OCA2: variants seen among roughly 807,000 people sequenced by gnomAD.
The protein encoded by OCA2 is OCA2 melanosomal transmembrane protein, also known as P protein.
A neutral mutation model predicts 100.2 loss-of-function variants in OCA2; 77 were observed. That is an observed-to-expected ratio of 0.77 (90% confidence interval 0.64 to 0.93). The LOEUF (loss-of-function observed/expected upper bound fraction) is 0.93, where lower values mean the gene tolerates loss of function less well. OCA2 is among the 40% of genes least tolerant of loss of function. The pLI is 0.00. For synonymous variants in OCA2, 432 were observed against 439.2 expected (o/e 0.98, Z 0.21); for missense variants, 1,062 against 1,089.1 (o/e 0.98, Z 0.35).
chr15:28,076,221 T>C (rs1247150233), intron 2 of OCA2, among the ~76,000 whole-genome samples: 1 of 152,198 alleles, frequency 6.6e-6, no homozygotes, highest in Non-Finnish European at 1.5e-5. Flanking sequence ...AGAGGCACGA[T>C]GTTGTGTTCT....
intron 9 of OCA2, among the ~76,000 whole-genome samples, chr15:27,995,620 T>C (rs2041699385): frequency 1.3e-5 from 2 of 151,726 alleles, no homozygotes; most frequent in African/African-American, 4.8e-5. Flanking sequence ...GAACTCCTGG[T>C]CTCAAGTGAT....
intron 12 of OCA2, 107 bp downstream of exon 12, chr15:27,986,480 A>G (rs1171411339): frequency 1.2e-6 from 1 of 842,822 alleles, no homozygotes; most frequent in Admixed American, 2.0e-5. Flanking sequence ...GAAGGATGGA[A>G]TTTTTCAATG....
At chr15:27,994,250 T>A (rs1239696349) in intron 9 of OCA2, among the ~76,000 whole-genome samples, 1 of 152,002 alleles carries the variant, frequency 6.6e-6, no homozygotes, top group Non-Finnish European at 1.5e-5. Flanking sequence ...ATGTGAGGGA[T>A]CTAGGTTGCA....
At chr15:27,779,933 G>T (rs1274405024) in intron 23 of OCA2, among the ~76,000 whole-genome samples, 2 of 152,176 alleles carry the variant, frequency 1.3e-5, no homozygotes, top group Admixed American at 6.5e-5. Flanking sequence ...CTGCTGTAAA[G>T]AATTATACCT....
intron 9 of OCA2, among the ~76,000 whole-genome samples, chr15:27,991,596 A>G (rs1461878088): frequency 6.6e-6 from 1 of 152,170 alleles, no homozygotes; most frequent in Non-Finnish European, 1.5e-5. Context: ...AACGGGTCCC[A>G]GGGATCCTTA....
At chr15:28,065,894 T>C (rs554015453) in intron 2 of OCA2, among the ~76,000 whole-genome samples, 143 of 152,270 alleles carry the variant, frequency 9.4e-4, no homozygotes, top group Non-Finnish European at 1.8e-3. Flanking sequence ...GTGAAACAGT[T>C]TTCTTAATTT....
intron 23 of OCA2, among the ~76,000 whole-genome samples, chr15:27,803,331 G>GTA (rs1215864462): frequency 6.6e-6 from 1 of 152,162 alleles, no homozygotes; most frequent in Non-Finnish European, 1.5e-5. Flanking sequence ...AAGCAACCCA[G>GTA]TATCCGTTGA....
At chr15:27,823,407 A>G (rs2034580367) in intron 23 of OCA2, among the ~76,000 whole-genome samples, 1 of 133,944 alleles carries the variant, frequency 7.5e-6, no homozygotes, top group African/African-American at 2.7e-5. Flanking sequence ...GATTATAGTG[A>G]TTATGTTATT....
intron 19 of OCA2, among the ~76,000 whole-genome samples, chr15:27,884,021 GC>G (rs534420638): frequency 6.6e-6 from 1 of 152,194 alleles, no homozygotes; most frequent in Non-Finnish European, 1.5e-5. Flanking sequence ...GAATGTCAGA[GC>G]AAGGTTAGAA....
chr15:27,932,548 C>T (rs1437719196), intron 18 of OCA2, among the ~76,000 whole-genome samples: 1 of 152,186 alleles, frequency 6.6e-6, no homozygotes, highest in Non-Finnish European at 1.5e-5. Flanking sequence ...AAGGCCCATG[C>T]TCAGAAAAGA....
chr15:27,768,303 T>G (rs1012678821), intron 23 of OCA2, among the ~76,000 whole-genome samples: 1 of 152,194 alleles, frequency 6.6e-6, no homozygotes, highest in Non-Finnish European at 1.5e-5. Flanking sequence ...GCAGTGTAAC[T>G]TCTGTGAGAT....
chr15:27,856,998 G>T (rs973854288), intron 21 of OCA2, among the ~76,000 whole-genome samples: 2 of 152,118 alleles, frequency 1.3e-5, no homozygotes, highest in African/African-American at 4.8e-5. Flanking sequence ...AAATAGGAAA[G>T]TGTGGCCCAT....
intron 20 of OCA2, among the ~76,000 whole-genome samples, chr15:27,871,583 C>A (rs955127128): frequency 2.6e-5 from 4 of 152,222 alleles, no homozygotes; most frequent in Admixed American, 6.5e-5. Flanking sequence ...GGCTGGGGCG[C>A]CTGCAGCACT....
intron 14 of OCA2, among the ~76,000 whole-genome samples, chr15:27,971,965 A>G (rs1414821669): frequency 6.6e-6 from 1 of 152,152 alleles, no homozygotes; most frequent in Non-Finnish European, 1.5e-5. Context: ...TTCATCCATC[A>G]ACCCCTCCTG....
At chr15:27,755,739 G>C (rs749660913) in intron 23 of OCA2, among the ~76,000 whole-genome samples, 47 of 152,172 alleles carry the variant, frequency 3.1e-4, no homozygotes, top group Admixed American at 7.9e-4. Context: ...GCCTCTGTTT[G>C]TTCATCTATA....
chr15:27,898,059 C>T (rs1010857625), intron 19 of OCA2, among the ~76,000 whole-genome samples: 10 of 152,150 alleles, frequency 6.6e-5, no homozygotes, highest in African/African-American at 2.4e-4. Context: ...TGCTTGTACC[C>T]CCATTATATC....
intron 2 of OCA2, among the ~76,000 whole-genome samples, chr15:28,047,202 C>T (rs2043372797): frequency 6.6e-6 from 1 of 152,126 alleles, no homozygotes; most frequent in Non-Finnish European, 1.5e-5. Context: ...CAAAAATAAG[C>T]CCACAGTCAA....
chr15:27,757,294 C>G (rs1226524599), intron 23 of OCA2, among the ~76,000 whole-genome samples: 1 of 152,262 alleles, frequency 6.6e-6, no homozygotes, highest in African/African-American at 2.4e-5. Context: ...TAAATCATAA[C>G]AATGGCAACC....
chr15:27,739,043 A>T, the OCA2 span, among the ~76,000 whole-genome samples: 1 of 152,170 alleles, frequency 6.6e-6, no homozygotes, highest in Non-Finnish European at 1.5e-5. Flanking sequence ...TCAGTGGCGG[A>T]ACCAGGGCAG....
Sources: allele counts gnomAD v4.1 joint callset (sites outside exome capture counted in the v4.1 genomes callset), GRCh38; gene constraint gnomAD v4.1.1; transcripts MANE v1.5; gene names NCBI Gene and HGNC (gene_info 2026-07-23, HGNC 2026-07-21).